Variants in ARHGAP12 observed in about 807,000 individuals in gnomAD.
ARHGAP12 encodes the protein rho GTPase-activating protein 12.
ARHGAP12 carries 64 observed loss-of-function variants against 108.6 expected under a neutral mutation model. That is an observed-to-expected ratio of 0.59 (90% confidence interval 0.48 to 0.73). ARHGAP12 has a LOEUF of 0.73. Among genes scored for constraint, ARHGAP12 ranks in the 30% least tolerant of loss-of-function variants. The pLI is 0.00. For missense variants in ARHGAP12, 940 were observed against 1,005.9 expected, an observed-to-expected ratio of 0.93 and a Z score of 0.89; for synonymous variants, 312 against 337.2, an observed-to-expected ratio of 0.93 and a Z score of 0.82.
chr10:31,860,303 G>A (rs952513340), intron 4 of ARHGAP12, among the ~76,000 whole-genome samples: 3 of 152,130 alleles, frequency 2.0e-5, no homozygotes, highest in Admixed American at 6.5e-5. Flanking sequence ...TTATTTGTAC[G>A]AGCTAGCTGC....
chr10:31,826,079 A>G (rs1267780116), intron 11 of ARHGAP12, among the ~76,000 whole-genome samples: 1 of 152,206 alleles, frequency 6.6e-6, no homozygotes, highest in African/African-American at 2.4e-5. Flanking sequence ...AGTTGAATGG[A>G]TAAAACAGAA....
intron 1 of ARHGAP12, among the ~76,000 whole-genome samples, chr10:31,917,327 G>C (rs1424810266): frequency 6.6e-6 from 1 of 152,078 alleles, no homozygotes; most frequent in African/African-American, 2.4e-5. Context: ...AGAATATCTT[G>C]AACAGGAGGC....
At chr10:31,847,031 G>C (rs914852637) in intron 6 of ARHGAP12, among the ~76,000 whole-genome samples, 31 of 149,618 alleles carry the variant, frequency 2.1e-4, no homozygotes, top group African/African-American at 7.4e-4. Flanking sequence ...GAGCCATCCA[G>C]TACTTGATTT....
chr10:31,837,894 T>C lies in ARHGAP12; in HGVS notation c.1386+1411A>G, dbSNP rs1295683679. ...TCAACAAATATTTACTGAGCAGCTA[T>C]TATATGGCACTGTGGGAGGTAATGG... On this transcript the variant is annotated intron_variant, in intron 9 of 19. Coordinates refer to ENST00000344936, the MANE Select transcript of ARHGAP12 (RefSeq NM_018287.7). Among the ~76,000 whole-genome samples the C allele has an allele frequency of 2.6e-5, 4 of 152,294 alleles. No individual in the cohort carries two copies. In the East Asian group the frequency reaches 7.7e-4, roughly 29 times the overall value.
intron 3 of ARHGAP12, among the ~76,000 whole-genome samples, chr10:31,893,589 TA>T (rs1838549447): frequency 6.6e-6 from 1 of 152,072 alleles, no homozygotes; most frequent in Non-Finnish European, 1.5e-5. Flanking sequence ...GGCTCTGAAA[TA>T]GAGGCAATAA....
intron 3 of ARHGAP12, among the ~76,000 whole-genome samples, chr10:31,902,784 T>C (rs1184275955): frequency 6.6e-6 from 1 of 152,200 alleles, no homozygotes; most frequent in African/African-American, 2.4e-5. Flanking sequence ...GATGGTTAAC[T>C]GTATGTGTCA....
Position 31,807,550 on chromosome 10 carries a change from CA to C in ARHGAP12, c.*107del. ...CTTCTGATCCCTCAAAAAAAAAGTGCAAAATCAAAGAGTCACTGCTTGGTCC... is the reference window on the plus strand; with the variant it reads ...CTTCTGATCCCTCAAAAAAAAAGTGCAAATCAAAGAGTCACTGCTTGGTCC... On this transcript the variant is annotated 3_prime_UTR_variant, in exon 20 of 20. Transcript: ENST00000344936. The C allele has an allele frequency of 8.5e-7, 1 of 1,170,776 alleles. No homozygotes were observed. The highest frequency in any genetic ancestry group is 1.2e-6 in the Non-Finnish European group (1 of 863,930). The allele number at this position is 1,170,776 out of a possible 1,614,324, so 72.5% of individuals were successfully genotyped here. A position where few individuals can be genotyped will look rare whatever the true frequency, so the allele number is the denominator to read the frequency against.
intron 3 of ARHGAP12, among the ~76,000 whole-genome samples, chr10:31,905,862 CAAT>C (rs1225675774): frequency 2.6e-5 from 4 of 151,278 alleles, no homozygotes; most frequent in Non-Finnish European, 4.4e-5. Flanking sequence ...GAAATAACAA[CAAT>C]AATAACAATG....
At chr10:31,844,169 C>T (rs967059730) in intron 6 of ARHGAP12, among the ~76,000 whole-genome samples, 5 of 152,094 alleles carry the variant, frequency 3.3e-5, no homozygotes, top group Non-Finnish European at 7.4e-5. Flanking sequence ...CCCATCTTCT[C>T]CCCTTTGATT....
chr10:31,812,373 C>G (rs976835953), intron 15 of ARHGAP12, among the ~76,000 whole-genome samples: 1 of 152,002 alleles, frequency 6.6e-6, no homozygotes, highest in Non-Finnish European at 1.5e-5. Flanking sequence ...TAGTGATATT[C>G]AAAATTTCTT....
intron 9 of ARHGAP12, 123 bp from the exon 10 acceptor site, chr10:31,831,923 T>C (rs1037326202): frequency 4.1e-6 from 2 of 489,684 alleles, no homozygotes; most frequent in Non-Finnish European, 7.2e-6. Context: ...GATTAGTCAA[T>C]GTGTAACATG....
At chr10:31,834,136 T>C (rs564159675) in intron 9 of ARHGAP12, among the ~76,000 whole-genome samples, 2 of 152,268 alleles carry the variant, frequency 1.3e-5, no homozygotes, top group South Asian at 4.1e-4. Flanking sequence ...GCTGGTAATA[T>C]CTCCACTTCA....
intron 6 of ARHGAP12, among the ~76,000 whole-genome samples, chr10:31,851,440 A>G (rs1026910735): frequency 1.3e-5 from 2 of 152,072 alleles, no homozygotes; most frequent in Non-Finnish European, 2.9e-5. Flanking sequence ...CATCCCCCAC[A>G]CCCATGAACT....
At chr10:31,901,534 CAAAA>C (rs61402251) in intron 3 of ARHGAP12, among the ~76,000 whole-genome samples, 12 of 64,250 alleles carry the variant, frequency 1.9e-4, no homozygotes, top group African/African-American at 3.0e-4. Flanking sequence ...AACCTGGTCT[CAAAA>C]AAAAAAAAAA....
In ARHGAP12 at chr10:31,809,303, C is replaced by T. The variant is rs964697181; in HGVS notation, c.2055G>A (p.Leu685=). ...TTACTCTGTATATCCCATCAATATC[C>T]AAACCTAAGAGACAATAATAATTTG... is the stretch of plus-strand genomic sequence containing the variant. ...LCIEHVEEHG[L]DIDGIYRVSG... is the part of the protein sequence containing the mutation. The change falls in exon 17 of 20, where the codon TTG becomes TTA. Residue 685 remains leucine (L), a synonymous_variant. Coordinates refer to ENST00000344936, the MANE Select transcript of ARHGAP12 (RefSeq NM_018287.7). 1.2e-5 allele frequency: 20 copies of T among 1,613,256 alleles called. No individual in the cohort carries two copies. Among genetic ancestry groups the T allele is most frequent in the Non-Finnish European group, 1.7e-5 (20 of 1,179,428 alleles).
At chr10:31,856,456 C>A (rs1349725078) in intron 4 of ARHGAP12, among the ~76,000 whole-genome samples, 1 of 152,110 alleles carries the variant, frequency 6.6e-6, no homozygotes, top group East Asian at 1.9e-4. Flanking sequence ...TATGGGTGAA[C>A]CATTAACAAA....
intron 3 of ARHGAP12, among the ~76,000 whole-genome samples, chr10:31,889,502 T>A (rs907114091): frequency 6.6e-6 from 1 of 152,150 alleles, no homozygotes; most frequent in African/African-American, 2.4e-5. Flanking sequence ...TACTTTCTAC[T>A]TTCTAAAAAT....
intron 3 of ARHGAP12, among the ~76,000 whole-genome samples, chr10:31,868,398 T>A (rs187425782): frequency 1.6e-3 from 243 of 152,296 alleles, no homozygotes; most frequent in African/African-American, 5.3e-3. Context: ...CCCAATTTTA[T>A]TATAATGAGA....
rs200026325 is a variant in ARHGAP12 at position 31,807,537 on chromosome 10, C to CA, written c.*120dup. 3.5e-3 allele frequency: 3,317 copies of CA among 934,830 alleles called. 25 individuals carry two copies. The East Asian group carries it at 0.051, about 14-fold the overall frequency. The allele number at this position is 934,830 out of a possible 1,614,324, so 57.9% of individuals were successfully genotyped here. On this transcript the variant is annotated 3_prime_UTR_variant, in exon 20 of 20. Transcript: ENST00000344936. ...ACTCTCCCCTTCCCTTCTGATCCCT[C>CA]AAAAAAAAAGTGCAAAATCAAAGAG...
Sources: allele counts gnomAD v4.1 joint callset (sites outside exome capture counted in the v4.1 genomes callset), GRCh38; gene constraint gnomAD v4.1.1; transcripts MANE v1.5; gene names NCBI Gene and HGNC (gene_info 2026-07-23, HGNC 2026-07-21).